MBD5: variants seen among roughly 807,000 people sequenced by gnomAD.
MBD5 encodes methyl-CpG binding domain protein 5, also known as methyl-CpG-binding domain protein 5.
MBD5 carries 13 observed loss-of-function variants against 117.3 expected under a neutral mutation model. The ratio of observed to expected loss-of-function variants is 0.11; its 90% CI spans 0.07 to 0.18. The LOEUF is 0.18. MBD5 is among the 10% of genes least tolerant of loss of function. MBD5 has a pLI of 1.00. For synonymous variants in MBD5, 727 were observed against 766.4 expected, an observed-to-expected ratio of 0.95 and a Z score of 0.85; for missense variants, 1,879 against 2,093.8, an observed-to-expected ratio of 0.90 and a Z score of 2.00.
chr2:148,274,201 C>A (rs1333211363), intron 3 of MBD5, among the ~76,000 whole-genome samples: 3 of 151,962 alleles, frequency 2.0e-5, no homozygotes, highest in African/African-American at 7.3e-5. Context: ...TATTCTTATC[C>A]TCACCCCCGA....
chr2:148,376,906 T>C (rs1704008836), intron 4 of MBD5, among the ~76,000 whole-genome samples: 1 of 142,856 alleles, frequency 7.0e-6, no homozygotes, highest in African/African-American at 2.6e-5. Flanking sequence ...ATACCATATA[T>C]GGTATATTGA....
chr2:148,050,788 A>G (rs1431943076), intron 1 of MBD5, among the ~76,000 whole-genome samples: 1 of 151,996 alleles, frequency 6.6e-6, no homozygotes, highest in Non-Finnish European at 1.5e-5. Context: ...TCAATACTAC[A>G]CTGTTTTGAT....
chr2:148,404,734 A>G (rs1181639845), intron 4 of MBD5, among the ~76,000 whole-genome samples: 1 of 152,070 alleles, frequency 6.6e-6, no homozygotes, highest in Non-Finnish European at 1.5e-5. Context: ...ATTGTTTCAT[A>G]TATTTTCCCT....
Position 148,072,301 on chromosome 2 carries a change from A to C in MBD5, c.-925+50617A>C, listed in dbSNP as rs185195017. On this transcript the variant is annotated intron_variant, in intron 1 of 13. Transcript: ENST00000642680. ...ATGAATCATCATTTAGTTTAAAATA[A>C]ATTTACTAAATTATAACATCTGACA... Among the ~76,000 whole-genome samples the C allele has an allele frequency of 1.8e-3, 270 of 152,288 alleles. 1 individual carries two copies. Among genetic ancestry groups the C allele is most frequent in the African/African-American group, 6.4e-3 (265 of 41,558 alleles).
intron 3 of MBD5, among the ~76,000 whole-genome samples, chr2:148,272,213 A>G (rs922267592): frequency 3.3e-5 from 5 of 152,150 alleles, no homozygotes; most frequent in Non-Finnish European, 7.4e-5. Context: ...GGTTGATTCC[A>G]TATCTTGGCT....
intron 3 of MBD5, among the ~76,000 whole-genome samples, chr2:148,306,735 T>G (rs775411460): frequency 2.0e-5 from 3 of 152,192 alleles, no homozygotes; most frequent in Non-Finnish European, 4.4e-5. Context: ...CTGCTTGATC[T>G]TGAATTAATA....
At chr2:148,334,089 A>G (rs1267998958) in intron 3 of MBD5, among the ~76,000 whole-genome samples, 3 of 152,126 alleles carry the variant, frequency 2.0e-5, no homozygotes, top group Non-Finnish European at 4.4e-5. Flanking sequence ...CTAATTCTTA[A>G]ATAAATTTCT....
chr2:148,151,782 G>C (rs1332695606), intron 1 of MBD5, among the ~76,000 whole-genome samples: 3 of 151,890 alleles, frequency 2.0e-5, no homozygotes, highest in Admixed American at 2.0e-4. Context: ...GGGATCGGTG[G>C]TGATATCCCC....
Position 148,361,788 on chromosome 2 carries a change from C to T in MBD5, c.-557+19452C>T, listed in dbSNP as rs188275345. ...CTCCCAGCGAGATCAACGCAGAAGGCGGGTAATTTCTGTATTTCTAACTGA... is the reference window on the plus strand; with the variant it reads ...CTCCCAGCGAGATCAACGCAGAAGGTGGGTAATTTCTGTATTTCTAACTGA... On this transcript the variant is annotated intron_variant, in intron 4 of 13. Transcript: ENST00000642680. Among the ~76,000 whole-genome samples the T allele has an allele frequency of 4.6e-5, 7 of 152,136 alleles. No individual in the cohort carries two copies. In the East Asian group the frequency reaches 5.8e-4, roughly 13 times the overall value.
At chr2:148,104,808 C>A (rs1696325140) in intron 1 of MBD5, among the ~76,000 whole-genome samples, 1 of 152,064 alleles carries the variant, frequency 6.6e-6, no homozygotes, top group African/African-American at 2.4e-5. Flanking sequence ...GTGACACTTT[C>A]ATGTTTACAA....
In MBD5 at chr2:148,031,042, TA is replaced by T. The variant is rs1361103909; in HGVS notation, c.-925+9361del. On this transcript the variant is annotated intron_variant, in intron 1 of 13. Coordinates refer to ENST00000642680, the MANE Select transcript of MBD5 (RefSeq NM_001378120.1). ...TGCTGGTGATAAAGGATGGCAGTTA[TA>T]AAGTGGTAGACAATTTCAATCTGAG... 3.3e-5 allele frequency among the ~76,000 whole-genome samples: 5 copies of T among 152,294 alleles called. No homozygotes were observed. In the East Asian group the frequency reaches 9.6e-4, roughly 29 times the overall value.
At chr2:148,277,551 A>T (rs1701145103) in intron 3 of MBD5, among the ~76,000 whole-genome samples, 1 of 151,806 alleles carries the variant, frequency 6.6e-6, no homozygotes, top group African/African-American at 2.4e-5. Flanking sequence ...AGTCTCTTGA[A>T]CTCTTTGCCT....
intron 2 of MBD5, among the ~76,000 whole-genome samples, chr2:148,212,273 T>C (rs774502078): frequency 2.0e-5 from 3 of 152,234 alleles, no homozygotes; most frequent in Non-Finnish European, 4.4e-5. Context: ...AACAGTAGTC[T>C]ACTTTCTGTC....
intron 1 of MBD5, among the ~76,000 whole-genome samples, chr2:148,167,480 T>C (rs1402374556): frequency 6.6e-6 from 1 of 152,190 alleles, no homozygotes. Flanking sequence ...TTCATTTCTT[T>C]GCTACTACCA....
At chr2:148,141,317 C>A (rs889559501) in intron 1 of MBD5, among the ~76,000 whole-genome samples, 2 of 152,256 alleles carry the variant, frequency 1.3e-5, no homozygotes, top group South Asian at 4.1e-4. Flanking sequence ...TGGAGACACT[C>A]CTACAAATAG....
At chr2:148,210,304 C>A (rs1699388464) in intron 2 of MBD5, among the ~76,000 whole-genome samples, 1 of 152,070 alleles carries the variant, frequency 6.6e-6, no homozygotes, top group South Asian at 2.1e-4. Flanking sequence ...CCCCTTTCTA[C>A]CTCCAATGTT....
chr2:148,228,646 C>CT (rs1699901998), intron 2 of MBD5, among the ~76,000 whole-genome samples: 1 of 152,202 alleles, frequency 6.6e-6, no homozygotes, highest in Admixed American at 6.5e-5. Flanking sequence ...GGAGGATTCC[C>CT]TCTTTTTCTG....
At chr2:148,388,905 G>A (rs1425553340) in intron 4 of MBD5, among the ~76,000 whole-genome samples, 1 of 151,898 alleles carries the variant, frequency 6.6e-6, no homozygotes, top group Non-Finnish European at 1.5e-5. Flanking sequence ...TAATGCTGGG[G>A]TTTGGCCTTC....
At chr2:148,402,147 T>G (rs1165227954) in intron 4 of MBD5, among the ~76,000 whole-genome samples, 1 of 152,142 alleles carries the variant, frequency 6.6e-6, no homozygotes, top group Admixed American at 6.5e-5. Context: ...TTTCCCCCTT[T>G]GTCATTAATA....
Sources: allele counts gnomAD v4.1 joint callset (sites outside exome capture counted in the v4.1 genomes callset), GRCh38; gene constraint gnomAD v4.1.1; transcripts MANE v1.5; gene names NCBI Gene and HGNC (gene_info 2026-07-23, HGNC 2026-07-21).